The following AUTS2 variants were observed in gnomAD, a reference collection of about 807,000 sequenced individuals.
The protein encoded by AUTS2 is autism susceptibility gene 2 protein.
In AUTS2, 17 loss-of-function variants were observed where a neutral mutation model predicts 112.4. The observed-to-expected ratio is 0.15, with a 90% confidence interval of 0.10 to 0.23. The LOEUF (loss-of-function observed/expected upper bound fraction) is 0.23. Among genes scored for constraint, AUTS2 ranks in the 10% least tolerant of loss-of-function variants. The pLI is 1.00. For synonymous variants in AUTS2, 751 were observed against 702.7 expected, an observed-to-expected ratio of 1.07 and a Z score of -1.09; for missense variants, 1,510 against 1,701.6, an observed-to-expected ratio of 0.89 and a Z score of 1.98.
rs60804022 is a variant in AUTS2, at chr7:69,888,540, GATATATATATATAT to G, written c.310-10727_310-10714del. Among the ~76,000 whole-genome samples, 8 of 99,232 alleles carry G rather than the reference GATATATATATATAT, an allele frequency of 8.1e-5. 1 individual carries two copies. The highest frequency in any genetic ancestry group is 6.1e-4 in the East Asian group (2 of 3,290). 65.1% of individuals were successfully genotyped at this position (99,232 alleles called of 152,430 possible). On this transcript the variant is annotated intron_variant, in intron 1 of 18. Transcript: ENST00000342771. ...CTTAGGCCCCACCTCCAACATTGGG[GATATATATATATAT>G]ATATATATATATATATATGTATGGT...
intron 2 of AUTS2, among the ~76,000 whole-genome samples, chr7:70,047,190 A>T (rs925085377): frequency 6.6e-6 from 1 of 152,192 alleles, no homozygotes; most frequent in African/African-American, 2.4e-5. Context: ...TATGTCTTCA[A>T]AACTCTTATA....
At chr7:70,333,942 A>C (rs1790874391) in intron 4 of AUTS2, among the ~76,000 whole-genome samples, 1 of 152,162 alleles carries the variant, frequency 6.6e-6, no homozygotes, top group African/African-American at 2.4e-5. Flanking sequence ...TGTATCCCAG[A>C]ATTTAAAGTG....
intron 1 of AUTS2, among the ~76,000 whole-genome samples, chr7:69,629,355 A>G (rs1794116484): frequency 6.6e-6 from 1 of 152,140 alleles, no homozygotes; most frequent in Admixed American, 6.5e-5. Flanking sequence ...TTTTGAACAT[A>G]ATGCTTATAA....
In AUTS2 at chr7:69,998,859, A is replaced by G. The variant is rs369611421; in HGVS notation, c.522+99361A>G. Among the ~76,000 whole-genome samples the G allele has an allele frequency of 8.5e-5, 13 of 152,328 alleles. No individual in the cohort carries two copies. The East Asian group carries it at 1.9e-3, about 23-fold the overall frequency. The stretch of plus-strand genomic sequence containing the variant: ...TAATAAGGTGGTTAGGGTAGACCTC[A>G]CTGAGAAGATGACGTTAAGCAAATG... On this transcript the variant is annotated intron_variant, in intron 2 of 18. Coordinates refer to ENST00000342771, the MANE Select transcript of AUTS2 (RefSeq NM_015570.4).
chr7:70,512,209 C>G (rs1254763608), intron 5 of AUTS2, among the ~76,000 whole-genome samples: 1 of 152,202 alleles, frequency 6.6e-6, no homozygotes, highest in East Asian at 1.9e-4. Flanking sequence ...ACAAAAAGCT[C>G]ACTGGCAACT....
chr7:70,645,870 C>T (rs528373016), intron 5 of AUTS2, among the ~76,000 whole-genome samples: 1 of 152,324 alleles, frequency 6.6e-6, no homozygotes, highest in South Asian at 2.1e-4. Context: ...CTTTTCAAAA[C>T]TGGAAATTAC....
chr7:70,223,069 A>G (rs1182037339), intron 4 of AUTS2, among the ~76,000 whole-genome samples: 2 of 151,812 alleles, frequency 1.3e-5, no homozygotes, highest in Non-Finnish European at 2.9e-5. Context: ...TTGTATTTTT[A>G]GTAGAGACGG....
intron 1 of AUTS2, among the ~76,000 whole-genome samples, chr7:69,609,709 G>T (rs1167078284): frequency 6.6e-6 from 1 of 152,158 alleles, no homozygotes; most frequent in Non-Finnish European, 1.5e-5. Flanking sequence ...GGAGTTGAAG[G>T]CTCAACGAAA....
chr7:70,559,409 AC>A, intron 5 of AUTS2, among the ~76,000 whole-genome samples: 1 of 150,338 alleles, frequency 6.7e-6, no homozygotes, highest in South Asian at 2.1e-4. Flanking sequence ...ACCTCAGCTC[AC>A]TGCAACTTCT....
chr7:69,708,386 C>T (rs1168972358), intron 1 of AUTS2, among the ~76,000 whole-genome samples: 2 of 152,138 alleles, frequency 1.3e-5, no homozygotes, highest in Non-Finnish European at 2.9e-5. Context: ...TGATAGCATT[C>T]TGATGGTGGG....
intron 4 of AUTS2, among the ~76,000 whole-genome samples, chr7:70,230,480 C>A (rs1016111705): frequency 6.6e-6 from 1 of 152,150 alleles, no homozygotes; most frequent in Non-Finnish European, 1.5e-5. Flanking sequence ...CACTTAGAAC[C>A]CCTAAATCAC....
intron 4 of AUTS2, among the ~76,000 whole-genome samples, chr7:70,156,283 C>T (rs1181793800): frequency 2.6e-5 from 4 of 152,184 alleles, no homozygotes; most frequent in Non-Finnish European, 1.5e-5. Context: ...GGCGGTGCCA[C>T]CTGTGCCTAT....
intron 2 of AUTS2, among the ~76,000 whole-genome samples, chr7:70,104,850 A>G (rs1186685328): frequency 1.3e-5 from 2 of 152,116 alleles, no homozygotes; most frequent in African/African-American, 4.8e-5. Context: ...TTTTTCTTAA[A>G]GGAGGGTGAG....
chr7:69,919,863 AAAG>A (rs1795739436), intron 2 of AUTS2, among the ~76,000 whole-genome samples: 1 of 152,216 alleles, frequency 6.6e-6, no homozygotes, highest in African/African-American at 2.4e-5. Context: ...TGATACCTAC[AAAG>A]AACAACACCT....
chr7:70,132,418 A>G lies in AUTS2; in HGVS notation c.625-2118A>G, dbSNP rs916442125. Among the ~76,000 whole-genome samples the G allele has an allele frequency of 5.5e-4, 83 of 152,204 alleles. 1 individual carries two copies. Among genetic ancestry groups the G allele is most frequent in the Admixed American group, 2.0e-4 (3 of 15,266 alleles). ...GTTAATTCCTCGGCAGTGCAATCAA[A>G]TTCATGTCGTAATTAAAGCTGTCAG... On this transcript the variant is annotated intron_variant, in intron 3 of 18. Coordinates refer to ENST00000342771, the MANE Select transcript of AUTS2 (RefSeq NM_015570.4).
chr7:69,766,926 ACTT>A (rs1490618974), intron 1 of AUTS2, among the ~76,000 whole-genome samples: 2 of 152,146 alleles, frequency 1.3e-5, no homozygotes, highest in African/African-American at 2.4e-5. Flanking sequence ...CTTCTCCCAA[ACTT>A]CTTCTCTGCC....
At chr7:69,922,020 C>T (rs1033118053) in intron 2 of AUTS2, among the ~76,000 whole-genome samples, 11 of 152,072 alleles carry the variant, frequency 7.2e-5, no homozygotes, top group Non-Finnish European at 1.0e-4. Context: ...GCCGAGATCA[C>T]GCCATTGCAC....
intron 2 of AUTS2, among the ~76,000 whole-genome samples, chr7:70,007,263 C>G (rs190786629): frequency 8.5e-5 from 13 of 152,224 alleles, no homozygotes; most frequent in Admixed American, 6.5e-4. Context: ...TTCTGTCCCC[C>G]CCTAAATCAT....
At chr7:70,523,207 G>C (rs564292472) in intron 5 of AUTS2, among the ~76,000 whole-genome samples, 2 of 152,268 alleles carry the variant, frequency 1.3e-5, no homozygotes, top group East Asian at 3.9e-4. Flanking sequence ...GTTCTGTGTG[G>C]GGCTAAGGTA....
Sources: gnomAD v4.1 joint callset for allele counts (sites outside exome capture counted in the v4.1 genomes callset) on GRCh38, gnomAD v4.1.1 for gene constraint, MANE v1.5 for transcripts, NCBI Gene and HGNC (gene_info 2026-07-23, HGNC 2026-07-21) for gene names.